CAMTA1: variants seen among roughly 807,000 people sequenced by gnomAD.
The protein encoded by CAMTA1 is calmodulin-binding transcription activator 1.
In CAMTA1, 27 loss-of-function variants were observed where a neutral mutation model predicts 170.9. The ratio of observed to expected loss-of-function variants is 0.16; its 90% CI spans 0.12 to 0.22. The LOEUF (loss-of-function observed/expected upper bound fraction) is 0.22, where lower values mean the gene tolerates loss of function less well. Ranked by LOEUF, CAMTA1 falls within the 10% of genes least tolerant of loss-of-function variation. The pLI is 1.00. For synonymous variants in CAMTA1, 833 were observed against 891.5 expected, an observed-to-expected ratio of 0.93 and a Z score of 1.17; for missense variants, 1,619 against 2,217.2, an observed-to-expected ratio of 0.73 and a Z score of 5.42.
In CAMTA1 at chr1:7,350,942, G is replaced by A. The variant is rs575861820; in HGVS notation, c.438+101316G>A. 2.0e-5 allele frequency among the ~76,000 whole-genome samples: 3 copies of A among 152,030 alleles called. No individual in the cohort carries two copies. The South Asian group carries it at 6.2e-4, about 31-fold the overall frequency. ...TTTGTAGCCTGTGTTCCTTACACGT[G>A]GCCCAAGCTTCCAGGGCTTCCCGGT... On this transcript the variant is annotated intron_variant, in intron 5 of 22. Coordinates refer to ENST00000303635, the MANE Select transcript of CAMTA1 (RefSeq NM_015215.4).
chr1:7,143,385 A>G (rs1463016595), intron 4 of CAMTA1, among the ~76,000 whole-genome samples: 1 of 152,242 alleles, frequency 6.6e-6, no homozygotes, highest in Non-Finnish European at 1.5e-5. Flanking sequence ...ACACTTTGGA[A>G]TGTTCCAGAG....
intron 6 of CAMTA1, among the ~76,000 whole-genome samples, chr1:7,500,221 GTGTA>G (rs1444004525): frequency 3.4e-5 from 5 of 145,160 alleles, no homozygotes; most frequent in African/African-American, 1.1e-4. Flanking sequence ...ATGTATATGA[GTGTA>G]TGTGTGTTCA....
At chr1:7,513,202 T>A (rs922624790) in intron 6 of CAMTA1, among the ~76,000 whole-genome samples, 1 of 152,096 alleles carries the variant, frequency 6.6e-6, no homozygotes, top group Non-Finnish European at 1.5e-5. Flanking sequence ...CGGCCGATTC[T>A]GGGCAGATTC....
chr1:7,091,582 G>A (rs1641471067), intron 4 of CAMTA1, among the ~76,000 whole-genome samples: 1 of 152,200 alleles, frequency 6.6e-6, no homozygotes. Context: ...AGTGCCATCC[G>A]CCAGTTGGAA....
At chr1:7,622,592 A>G (rs554837172) in intron 6 of CAMTA1, among the ~76,000 whole-genome samples, 27 of 152,294 alleles carry the variant, frequency 1.8e-4, no homozygotes, top group African/African-American at 6.3e-4. Flanking sequence ...CTTTCTCCCT[A>G]ATGGGTTTCT....
In CAMTA1 at chr1:6,971,520, T is replaced by C. The variant is rs79914746; in HGVS notation, c.235-119784T>C. Among the ~76,000 whole-genome samples the C allele has an allele frequency of 2.0e-4, 30 of 152,264 alleles. No individual in the cohort carries two copies. The highest frequency in any genetic ancestry group is 3.4e-4 in the Non-Finnish European group (23 of 68,010). The stretch of plus-strand genomic sequence containing the variant: ...CCCCACCCTCACTACTAATTTTACG[T>C]TGTCTTTGGAGTTGCTCAGGGGCCA... On this transcript the variant is annotated intron_variant, in intron 3 of 22. Coordinates refer to ENST00000303635, the MANE Select transcript of CAMTA1 (RefSeq NM_015215.4). This position sits in a 1 kb window ranked among gnomAD's most constrained non-coding sequence, Gnocchi z 4.6.
chr1:7,276,303 A>ATTTTTTTTTTTTTTTTTTTT (rs1180773965), intron 5 of CAMTA1, among the ~76,000 whole-genome samples: 7 of 24,230 alleles, frequency 2.9e-4, no homozygotes, highest in East Asian at 3.0e-3. Flanking sequence ...ATATATATAT[A>ATTTTTTTTTTTTTTTTTTTT]TTTTTTTTTT....
intron 5 of CAMTA1, among the ~76,000 whole-genome samples, chr1:7,419,946 G>A (rs946247157): frequency 6.6e-5 from 10 of 151,556 alleles, no homozygotes; most frequent in Non-Finnish European, 2.9e-5. Flanking sequence ...CCACCATCCC[G>A]CCCTCCATCC....
chr1:7,467,358 C>T (rs1282911191), intron 5 of CAMTA1, among the ~76,000 whole-genome samples: 2 of 152,172 alleles, frequency 1.3e-5, no homozygotes, highest in African/African-American at 2.4e-5. Flanking sequence ...CCTGGTTGGG[C>T]TCGTACCGGC....
intron 5 of CAMTA1, among the ~76,000 whole-genome samples, chr1:7,360,948 G>A (rs1393313474): frequency 3.9e-5 from 6 of 152,232 alleles, no homozygotes; most frequent in Admixed American, 3.9e-4. Flanking sequence ...GTGCTCAGCT[G>A]AGGATCCTGG....
chr1:7,276,303 A>ATATATATATATTTTTTT, intron 5 of CAMTA1, among the ~76,000 whole-genome samples: 1 of 24,232 alleles, frequency 4.1e-5, no homozygotes, highest in African/African-American at 3.0e-4. Flanking sequence ...ATATATATAT[A>ATATATATATATTTTTTT]TTTTTTTTTT....
At chr1:7,213,612 C>CT (rs34691728) in intron 4 of CAMTA1, among the ~76,000 whole-genome samples, 103,743 of 151,246 alleles carry the variant, frequency 0.69, 36,649 homozygotes, top group African/African-American at 0.87. Context: ...TTTTAAATTT[C>CT]TTTTTTTTAT....
At chr1:7,582,363 C>T (rs1557953684) in intron 6 of CAMTA1, among the ~76,000 whole-genome samples, 2 of 150,820 alleles carry the variant, frequency 1.3e-5, no homozygotes, top group African/African-American at 5.0e-5. Context: ...CCTGATTCAC[C>T]CACCCCCTAC....
chr1:7,258,217 T>C (rs1194350703), intron 5 of CAMTA1, among the ~76,000 whole-genome samples: 1 of 152,198 alleles, frequency 6.6e-6, no homozygotes, highest in Non-Finnish European at 1.5e-5. Flanking sequence ...GGAAGTGTGA[T>C]TGTAGTTTCT....
At chr1:6,858,492 G>GC in intron 3 of CAMTA1, among the ~76,000 whole-genome samples, 1 of 141,520 alleles carries the variant, frequency 7.1e-6, no homozygotes, top group Middle Eastern at 3.7e-3. Context: ...GTGTTGGGGG[G>GC]GGGGTGTTGT....
chr1:7,114,081 A>G (rs1422531962), intron 4 of CAMTA1, among the ~76,000 whole-genome samples: 1 of 152,024 alleles, frequency 6.6e-6, no homozygotes, highest in East Asian at 1.9e-4. Flanking sequence ...GTGAGATTTG[A>G]CCTTGTAGGT....
At chr1:7,717,726 T>TA (rs199570546) in intron 11 of CAMTA1, among the ~76,000 whole-genome samples, 32 of 150,266 alleles carry the variant, frequency 2.1e-4, no homozygotes, top group African/African-American at 3.2e-4. Context: ...AGACCCTGTC[T>TA]AAAAAAAAAT....
At chr1:7,515,553 C>T (rs534681926) in intron 6 of CAMTA1, among the ~76,000 whole-genome samples, 10 of 152,256 alleles carry the variant, frequency 6.6e-5, no homozygotes, top group Admixed American at 6.5e-4. Context: ...AGTTTAAACC[C>T]GGGCCAGGGC....
chr1:7,494,791 G>C (rs1046337913), intron 6 of CAMTA1, among the ~76,000 whole-genome samples: 2 of 152,124 alleles, frequency 1.3e-5, no homozygotes, highest in Non-Finnish European at 2.9e-5. Context: ...GTGACAGATT[G>C]AGACCCTGTC....
Sources: gnomAD v4.1 joint callset for allele counts (sites outside exome capture counted in the v4.1 genomes callset) on GRCh38, gnomAD v4.1.1 for gene constraint, Gnocchi (gnomAD v3.1) non-coding constraint, MANE v1.5 for transcripts, NCBI Gene and HGNC (gene_info 2026-07-23, HGNC 2026-07-21) for gene names.